SYNE1: variants seen among roughly 807,000 people sequenced by gnomAD.
SYNE1 encodes the protein nesprin-1.
SYNE1 carries 616 observed loss-of-function variants against 1,111.0 expected under a neutral mutation model. That is an observed-to-expected ratio of 0.55 (90% confidence interval 0.52 to 0.59). The LOEUF (loss-of-function observed/expected upper bound fraction) is 0.59, where lower values mean the gene tolerates loss of function less well. SYNE1 is among the 20% of genes least tolerant of loss of function. The pLI is 0.00. For missense variants in SYNE1, 10,006 were observed against 10,417.0 expected (o/e 0.96, Z 1.72); for synonymous variants, 3,855 against 3,825.8 (o/e 1.01, Z -0.28).
chr6:152,247,750 T>TATACACACACAC (rs1432898834), intron 105 of SYNE1, among the ~76,000 whole-genome samples: 64 of 112,356 alleles, frequency 5.7e-4, no homozygotes, highest in Non-Finnish European at 8.5e-4. Context: ...TATATATATA[T>TATACACACACAC]ACACACACAC....
chr6:152,344,256 T>A (rs2096591636), intron 73 of SYNE1, 29 bp from the exon 74 acceptor site: 2 of 1,614,030 alleles, frequency 1.2e-6, no homozygotes, highest in Admixed American at 1.7e-5. Context: ...GCTGAGATTA[T>A]GAGAACTGCT....
chr6:152,508,018 G>A (rs2099067105), intron 8 of SYNE1, among the ~76,000 whole-genome samples: 1 of 152,096 alleles, frequency 6.6e-6, no homozygotes, highest in South Asian at 2.1e-4. Flanking sequence ...TGAGTGTGAT[G>A]AACTTCCAAA....
At chr6:152,137,824 A>G in intron 140 of SYNE1, among the ~76,000 whole-genome samples, 1 of 152,206 alleles carries the variant, frequency 6.6e-6, no homozygotes, top group East Asian at 1.9e-4. Flanking sequence ...GACACTGTGG[A>G]AAATACTTGA....
chr6:152,484,784 T>A (rs377400474), intron 13 of SYNE1, 51 bp downstream of exon 13: 13 of 1,596,170 alleles, frequency 8.1e-6, no homozygotes, highest in Non-Finnish European at 1.1e-5. Context: ...ATGAAAAATA[T>A]TCTTTTCTAA....
chr6:152,293,753 C>T lies in SYNE1; in HGVS notation c.17851-4G>A. On this transcript the variant is annotated splice_polypyrimidine_tract_variant and splice_region_variant and intron_variant, in intron 94 of 145. Transcript: ENST00000367255. ...GTGTGCGCTGCTTCTCACTGATCTACACCAGAAAAGGGATATTACCAAATG... is the reference window on the plus strand; with the variant it reads ...GTGTGCGCTGCTTCTCACTGATCTATACCAGAAAAGGGATATTACCAAATG... 1 of 1,614,084 alleles carries T rather than the reference C, an allele frequency of 6.2e-7. No individual in the cohort carries two copies.
In SYNE1 at chr6:152,539,978, G is replaced by C. The variant is rs756572630; in HGVS notation, c.111C>G (p.Ile37Met). ...CCTTTACCTTGGCCAGATGAGAGTT[G>C]ATCCATTTTGTGAAAGTTCGTTTTT... is the stretch of plus-strand genomic sequence containing the variant. The part of the protein sequence containing the change: ...IVQKRTFTKW[I>M]NSHLAKRKPP... The change falls in exon 4 of 146, where the codon ATC becomes ATG. Residue 37 changes from isoleucine to methionine, a missense_variant. Physicochemically the swap from Ile to Met is conservative, Grantham distance 10. Coordinates refer to ENST00000367255, the MANE Select transcript of SYNE1 (RefSeq NM_182961.4). The C allele has an allele frequency of 1.9e-6, 3 of 1,613,874 alleles. No individual in the cohort carries two copies. In the South Asian group the frequency reaches 3.3e-5, roughly 18 times the overall value.
chr6:152,305,190 G>T (rs1367372417), intron 91 of SYNE1, among the ~76,000 whole-genome samples: 1 of 152,196 alleles, frequency 6.6e-6, no homozygotes, highest in Admixed American at 6.5e-5. Flanking sequence ...AAGAAAAGAG[G>T]TGTGAGTATC....
At chr6:152,123,512 A>G (rs951627452) in intron 145 of SYNE1, among the ~76,000 whole-genome samples, 1 of 152,206 alleles carries the variant, frequency 6.6e-6, no homozygotes, top group African/African-American at 2.4e-5. Flanking sequence ...CAGGTTTCAG[A>G]ACTCTTAAGA....
At chr6:152,271,464 T>G (rs774093512) in intron 98 of SYNE1, among the ~76,000 whole-genome samples, 1 of 152,050 alleles carries the variant, frequency 6.6e-6, no homozygotes, top group African/African-American at 2.4e-5. Flanking sequence ...GGTGCAATGG[T>G]CTAATATATG....
At chr6:152,191,752 T>G (rs2072463316) in intron 127 of SYNE1, among the ~76,000 whole-genome samples, 1 of 152,116 alleles carries the variant, frequency 6.6e-6, no homozygotes, top group African/African-American at 2.4e-5. Flanking sequence ...TTTCATTTAT[T>G]TCTGCTTTAA....
intron 3 of SYNE1, among the ~76,000 whole-genome samples, chr6:152,575,526 T>G (rs1445148035): frequency 1.3e-5 from 2 of 152,244 alleles, no homozygotes; most frequent in Admixed American, 6.5e-5. Context: ...AATTTATTTA[T>G]GCAAACTGCT....
At chr6:152,268,637 T>A (rs992922448) in intron 99 of SYNE1, among the ~76,000 whole-genome samples, 1 of 152,248 alleles carries the variant, frequency 6.6e-6, no homozygotes, top group African/African-American at 2.4e-5. Flanking sequence ...TATTTGAATA[T>A]GCTTTTTACA....
At position 152,442,040 on chromosome 6, in the gene SYNE1, C is replaced by A. The variant is rs2098535457; in HGVS notation, c.4008+35G>T. ...CAACCGGAAGTGAACACTGCCCAGC[C>A]TCTGTTTAAATGGCCCCTAACTTCC... On this transcript the variant is annotated intron_variant, in intron 31 of 145. Transcript: ENST00000367255. 3 of 1,613,222 alleles carry A rather than the reference C, an allele frequency of 1.9e-6. No homozygotes were observed. The East Asian group carries it at 6.7e-5, about 36-fold the overall frequency.
chr6:152,416,617 C>T lies in SYNE1; in HGVS notation c.5820G>A (p.Gly1940=), dbSNP rs773819434. ...LSKAQYHLKI[G]SSEQRTSCRA... Reference sequence around the variant, plus strand: ...TGCAGGAAGTCCTTTGCTCAGAGCTCCCGATTTTCAGATGGTATTGGGCTT... The same window carrying T: ...TGCAGGAAGTCCTTTGCTCAGAGCTTCCGATTTTCAGATGGTATTGGGCTT... Residue 1940 remains glycine, a synonymous_variant, in exon 41 of 146, where the codon GGG becomes GGA. Coordinates refer to ENST00000367255, the MANE Select transcript of SYNE1 (RefSeq NM_182961.4). The T allele has an allele frequency of 3.1e-6, 5 of 1,614,072 alleles. No individual in the cohort carries two copies. Among genetic ancestry groups the T allele is most frequent in the Non-Finnish European group, 4.2e-6 (5 of 1,180,016 alleles).
In SYNE1 at chr6:152,265,345, C is replaced by G. The variant is rs982175248; in HGVS notation, c.18815+2711G>C. 4.0e-5 allele frequency among the ~76,000 whole-genome samples: 6 copies of G among 150,890 alleles called. No individual in the cohort carries two copies. The East Asian group carries it at 9.8e-4, about 25-fold the overall frequency. The stretch of plus-strand genomic sequence containing the variant: ...ACTATTAAACAGTTAAAATGAAGAA[C>G]TAGATCTATATCTCAACATGCATAT... On this transcript the variant is annotated intron_variant, in intron 100 of 145. Transcript: ENST00000367255.
chr6:152,533,162 T>A (rs530423165), intron 4 of SYNE1, among the ~76,000 whole-genome samples: 11 of 152,244 alleles, frequency 7.2e-5, no homozygotes, highest in Admixed American at 2.0e-4. Flanking sequence ...GTATGTGTAA[T>A]CTGCTTCTCT....
At position 152,194,885 on chromosome 6, in the gene SYNE1, T is replaced by C. The variant is rs568237415; in HGVS notation, c.23146-5478A>G. ...AATTTCTTTAATTTATCTGATATGA[T>C]TCTGAATTCATTCTGTGTTTTCTTA... On this transcript the variant is annotated intron_variant, in intron 127 of 145. Coordinates refer to ENST00000367255, the MANE Select transcript of SYNE1 (RefSeq NM_182961.4). Among the ~76,000 whole-genome samples, 6 of 152,320 alleles carry C rather than the reference T, an allele frequency of 3.9e-5. No homozygotes were observed. The East Asian group carries it at 7.7e-4, about 20-fold the overall frequency.
intron 32 of SYNE1, among the ~76,000 whole-genome samples, chr6:152,438,947 T>A (rs1398123029): frequency 6.6e-6 from 1 of 152,194 alleles, no homozygotes; most frequent in African/African-American, 2.4e-5. Flanking sequence ...ACCTTTTGGA[T>A]TGAAATCCCA....
intron 137 of SYNE1, chr6:152,145,380 T>C: frequency 9.3e-7 from 1 of 1,079,580 alleles, no homozygotes; most frequent in Non-Finnish European, 1.4e-6. Context: ...GGCTGTGCCT[T>C]AACATGCTAG....
Sources: gnomAD v4.1 joint callset for allele counts (sites outside exome capture counted in the v4.1 genomes callset) on GRCh38, gnomAD v4.1.1 for gene constraint, MANE v1.5 for transcripts, NCBI Gene and HGNC (gene_info 2026-07-23, HGNC 2026-07-21) for gene names.